The following C1orf21 variants were observed in gnomAD, a reference collection of about 807,000 sequenced individuals.
C1orf21 encodes the protein uncharacterized protein C1orf21.
Under a neutral mutation model 18.7 loss-of-function variants are expected in C1orf21, and 3 were observed. That is an observed-to-expected ratio of 0.16 (90% CI 0.07 to 0.42). The LOEUF is 0.42. Ranked by LOEUF, C1orf21 falls within the 10% of genes least tolerant of loss-of-function variation. The pLI is 0.99. For synonymous variants in C1orf21, 41 were observed against 46.4 expected (o/e 0.88, Z 0.47); for missense variants, 104 against 143.6 (o/e 0.72, Z 1.41).
At chr1:184,516,393 T>C (rs907318193) in intron 3 of C1orf21, among the ~76,000 whole-genome samples, 1 of 152,212 alleles carries the variant, frequency 6.6e-6, no homozygotes, top group African/African-American at 2.4e-5. Flanking sequence ...CTATGGAGCT[T>C]ATGAGAGTTT....
intron 1 of C1orf21, among the ~76,000 whole-genome samples, chr1:184,422,597 A>G (rs1004001106): frequency 1.3e-5 from 2 of 152,208 alleles, no homozygotes; most frequent in Non-Finnish European, 2.9e-5. Context: ...CCACTCCACT[A>G]GAACCTTGCT....
At chr1:184,482,706 G>T (rs1657675847) in intron 2 of C1orf21, among the ~76,000 whole-genome samples, 1 of 152,194 alleles carries the variant, frequency 6.6e-6, no homozygotes, top group Non-Finnish European at 1.5e-5. Flanking sequence ...TTTGGGGATG[G>T]CTCTGAAGTA....
intron 1 of C1orf21, among the ~76,000 whole-genome samples, chr1:184,450,817 GAA>G (rs917570622): frequency 2.0e-5 from 3 of 152,096 alleles, no homozygotes; most frequent in African/African-American, 7.2e-5. Context: ...TGATGATGGA[GAA>G]AAAAGTTTCA....
At chr1:184,611,018 C>T (rs1424768421) in intron 5 of C1orf21, among the ~76,000 whole-genome samples, 6 of 152,106 alleles carry the variant, frequency 3.9e-5, no homozygotes, top group Admixed American at 6.5e-5. Context: ...GTTATTATCA[C>T]GGTGATCATT....
chr1:184,536,961 C>T (rs889022118), intron 3 of C1orf21, among the ~76,000 whole-genome samples: 1 of 152,082 alleles, frequency 6.6e-6, no homozygotes, highest in Admixed American at 6.5e-5. Context: ...ATCCAAGTTT[C>T]GTTTTGCATC....
chr1:184,389,092 G>C (rs1655932189), intron 1 of C1orf21, among the ~76,000 whole-genome samples: 1 of 152,168 alleles, frequency 6.6e-6, no homozygotes, highest in Non-Finnish European at 1.5e-5. Flanking sequence ...AACCAATGCT[G>C]GGACTGGTAC....
At chr1:184,496,766 T>G (rs940053035) in intron 2 of C1orf21, among the ~76,000 whole-genome samples, 9 of 152,184 alleles carry the variant, frequency 5.9e-5, no homozygotes, top group African/African-American at 9.7e-5. Flanking sequence ...CCAGTTTACG[T>G]TTGGCTTGTT....
intron 2 of C1orf21, among the ~76,000 whole-genome samples, chr1:184,500,472 C>T (rs1427624269): frequency 6.6e-6 from 1 of 152,146 alleles, no homozygotes; most frequent in African/African-American, 2.4e-5. Context: ...GTCACCCTTT[C>T]CTCCTTGCAG....
intron 1 of C1orf21, among the ~76,000 whole-genome samples, chr1:184,464,962 GA>G (rs781358406): frequency 2.0e-5 from 3 of 152,178 alleles, no homozygotes; most frequent in Non-Finnish European, 4.4e-5. Flanking sequence ...AGAGAGAAGG[GA>G]TCTTGCCGTG....
chr1:184,440,358 T>A (rs1432897369), intron 1 of C1orf21, among the ~76,000 whole-genome samples: 1 of 152,230 alleles, frequency 6.6e-6, no homozygotes, highest in Non-Finnish European at 1.5e-5. Context: ...TTCACCTGTC[T>A]TAGCCTCCCA....
intron 5 of C1orf21, among the ~76,000 whole-genome samples, chr1:184,608,911 G>A (rs1240905861): frequency 1.1e-4 from 16 of 152,058 alleles, no homozygotes; most frequent in Admixed American, 1.0e-3. Context: ...CTGCGCTCTG[G>A]GCCTCTCTCC....
intron 5 of C1orf21, among the ~76,000 whole-genome samples, chr1:184,617,569 G>T (rs748835856): frequency 9.9e-5 from 15 of 152,232 alleles, no homozygotes; most frequent in Non-Finnish European, 1.9e-4. Context: ...GCTAGGGATG[G>T]CATCTGCTTG....
At chr1:184,505,282 G>A (rs1429917922) in intron 2 of C1orf21, among the ~76,000 whole-genome samples, 1 of 128,606 alleles carries the variant, frequency 7.8e-6, no homozygotes, top group Non-Finnish European at 1.6e-5. Context: ...CAAAATCATA[G>A]AATCCACTTG....
chr1:184,536,983 T>C (rs1018754354), intron 3 of C1orf21, among the ~76,000 whole-genome samples: 1 of 152,226 alleles, frequency 6.6e-6, no homozygotes, highest in Non-Finnish European at 1.5e-5. Context: ...AAAAATCAAG[T>C]TGGCTTCTGT....
intron 3 of C1orf21, among the ~76,000 whole-genome samples, chr1:184,513,519 A>AT (rs1413986394): frequency 6.6e-6 from 1 of 152,246 alleles, no homozygotes; most frequent in African/African-American, 2.4e-5. Context: ...AGAACAGTGG[A>AT]TACCCTCTTA....
intron 1 of C1orf21, among the ~76,000 whole-genome samples, chr1:184,428,280 G>T (rs781155790): frequency 1.3e-5 from 2 of 152,224 alleles, no homozygotes; most frequent in Non-Finnish European, 2.9e-5. Flanking sequence ...TTGTATAGGG[G>T]ACAGTATGAA....
intron 1 of C1orf21, among the ~76,000 whole-genome samples, chr1:184,447,900 C>G (rs561799941): frequency 6.6e-6 from 1 of 152,242 alleles, no homozygotes; most frequent in East Asian, 1.9e-4. Context: ...ATTATCCAAC[C>G]CTGGTCCACT....
At chr1:184,536,740 G>T (rs923932227) in intron 3 of C1orf21, among the ~76,000 whole-genome samples, 3 of 152,038 alleles carry the variant, frequency 2.0e-5, no homozygotes, top group Non-Finnish European at 4.4e-5. Context: ...TCCCTCTTGT[G>T]CAGATGCCTG....
At chr1:184,433,512 C>CA (rs1341585993) in intron 1 of C1orf21, among the ~76,000 whole-genome samples, 1 of 152,130 alleles carries the variant, frequency 6.6e-6, no homozygotes, top group Non-Finnish European at 1.5e-5. Flanking sequence ...TTTCTTAGTA[C>CA]AATATGCAAA....
Sources: allele counts gnomAD v4.1 joint callset (sites outside exome capture counted in the v4.1 genomes callset), GRCh38; gene constraint gnomAD v4.1.1; transcripts MANE v1.5; gene names NCBI Gene and HGNC (gene_info 2026-07-23, HGNC 2026-07-21).